The following PKHD1 variants were observed in gnomAD, a reference collection of about 807,000 sequenced individuals.
PKHD1 encodes fibrocystin.
Under a neutral mutation model 412.0 loss-of-function variants are expected in PKHD1, and 291 were observed. That is an observed-to-expected ratio of 0.71 (90% CI 0.64 to 0.78). The LOEUF is 0.78. Ranked by LOEUF, PKHD1 falls within the 30% of genes least tolerant of loss-of-function variation. PKHD1 has a pLI of 0.00. For missense variants in PKHD1, 4,825 were observed against 4,950.7 expected (o/e 0.97, Z 0.76); for synonymous variants, 1,777 against 1,821.5 (o/e 0.98, Z 0.62).
chr6:51,969,565 C>T (rs1161086749), intron 35 of PKHD1, among the ~76,000 whole-genome samples: 1 of 152,162 alleles, frequency 6.6e-6, no homozygotes. Context: ...CACCCTCCCA[C>T]CCTTCTAAGC....
chr6:51,885,886 TC>T lies in PKHD1; in HGVS notation c.7195del (p.Glu2399LysfsTer16). ...TTLFQSFTVW[E>X]SAGGAQIFRS... ...GCTTACCTGGGCACCACCTGCACTT[TC>T]CCAAACTGTGAAGCTCTGGAACAGA... is the stretch of plus-strand genomic sequence containing the variant. On this transcript the variant is annotated frameshift_variant, in exon 45 of 67. Transcript: ENST00000371117. LOFTEE classifies it high-confidence loss of function. The T allele has an allele frequency of 6.2e-7, 1 of 1,611,800 alleles. No homozygotes were observed. The highest frequency in any genetic ancestry group is 8.5e-7 in the Non-Finnish European group (1 of 1,178,190).
chr6:51,775,878 A>G lies in PKHD1; in HGVS notation c.8484T>C (p.Ile2828=). The change falls in exon 54 of 67, where the codon ATT becomes ATC. Residue 2828 remains isoleucine, a synonymous_variant. Coordinates refer to ENST00000371117, the MANE Select transcript of PKHD1 (RefSeq NM_138694.4). ...NPLEKEQKLL[I]LLRASEGVFC... ...AGACTCCCTCTGAGGCTCTAAGGAG[A>G]ATCAGAAGCTTTTGTTCCTTTTCTA... is the stretch of plus-strand genomic sequence containing the variant. 6.3e-7 allele frequency: 1 copy of G among 1,599,268 alleles called. No individual in the cohort carries two copies. The highest frequency in any genetic ancestry group is 8.6e-7 in the Non-Finnish European group (1 of 1,167,516).
At chr6:51,760,353 TC>T (rs1156922664) in intron 55 of PKHD1, among the ~76,000 whole-genome samples, 1 of 151,978 alleles carries the variant, frequency 6.6e-6, no homozygotes. Flanking sequence ...CAAAAATATA[TC>T]TCTCCCCTAT....
Position 51,946,727 on chromosome 6 carries a change from C to T in PKHD1, c.5909-12405G>A, listed in dbSNP as rs985590435. Among the ~76,000 whole-genome samples the T allele has an allele frequency of 1.8e-4, 28 of 152,160 alleles. 1 individual carries two copies. Among genetic ancestry groups the T allele is most frequent in the African/African-American group, 6.8e-4 (28 of 41,424 alleles). On this transcript the variant is annotated intron_variant, in intron 36 of 66. Transcript: ENST00000371117. ...AATTTTATAAAAATCAATCAACCAT[C>T]ATTATTGTTACTTCCCTCTAAAATA...
intron 35 of PKHD1, among the ~76,000 whole-genome samples, chr6:52,002,191 C>G (rs1382653641): frequency 8.3e-6 from 1 of 120,612 alleles, no homozygotes; most frequent in Non-Finnish European, 2.0e-5. Flanking sequence ...CATTGTTGAA[C>G]TTTTAGGTTT....
rs753123149 is a variant in PKHD1, at chr6:51,649,268, T to A, written c.11175-48A>T. ...AAATACATCCTTAGGATTACACATATCCCTATGGTAGCAATTTTCCACAAT... is the reference window on the plus strand; with the variant it reads ...AAATACATCCTTAGGATTACACATAACCCTATGGTAGCAATTTTCCACAAT... On this transcript the variant is annotated intron_variant, in intron 61 of 66. Coordinates refer to ENST00000371117, the MANE Select transcript of PKHD1 (RefSeq NM_138694.4). 6.3e-6 allele frequency: 9 copies of A among 1,426,830 alleles called. No homozygotes were observed. The African/African-American group carries it at 1.3e-4, about 20-fold the overall frequency. The allele number at this position is 1,426,830 out of a possible 1,614,324, so 88.4% of individuals were successfully genotyped here. A position where few individuals can be genotyped will look rare whatever the true frequency, so the allele number is the denominator to read the frequency against.
At chr6:51,767,879 A>G (rs866296126) in intron 55 of PKHD1, among the ~76,000 whole-genome samples, 6 of 152,196 alleles carry the variant, frequency 3.9e-5, no homozygotes, top group East Asian at 1.9e-4. Context: ...CTAGATCCCC[A>G]AGGAATCGCC....
intron 35 of PKHD1, among the ~76,000 whole-genome samples, chr6:52,007,210 A>C (rs933043766): frequency 1.8e-4 from 27 of 152,196 alleles, no homozygotes; most frequent in Non-Finnish European, 3.5e-4. Flanking sequence ...GATACCCAGT[A>C]ATGGGATTGC....
rs944608137 is a variant in PKHD1 at position 52,042,788 on chromosome 6, G to C, written c.3097+71C>G. On this transcript the variant is annotated intron_variant, in intron 27 of 66. Transcript: ENST00000371117. ...GAATATGGAATTCATTACACAGAAG[G>C]ACTAGATTCCTATCAGCAAGAACAC... The C allele has an allele frequency of 7.5e-6, 10 of 1,334,112 alleles. No individual in the cohort carries two copies. In the Admixed American group the frequency reaches 1.2e-4, roughly 16 times the overall value. The allele number at this position is 1,334,112 out of a possible 1,614,324, so 82.6% of individuals were successfully genotyped here. A position where few individuals can be genotyped will look rare whatever the true frequency, so the allele number is the denominator to read the frequency against.
intron 53 of PKHD1, among the ~76,000 whole-genome samples, chr6:51,786,051 ACT>A (rs1306638467): frequency 6.6e-6 from 1 of 152,140 alleles, no homozygotes; most frequent in African/African-American, 2.4e-5. Flanking sequence ...TTTTTTAAAA[ACT>A]CTATGAAATA....
chr6:51,637,205 A>G (rs1409266068), intron 64 of PKHD1, among the ~76,000 whole-genome samples: 1 of 152,208 alleles, frequency 6.6e-6, no homozygotes, highest in Non-Finnish European at 1.5e-5. Context: ...AGGCCTTTTA[A>G]ATGTCAGACA....
In PKHD1 at chr6:51,620,645, G is replaced by A. The variant is rs112524723; in HGVS notation, c.11786-1125C>T. Among the ~76,000 whole-genome samples, 825 of 151,904 alleles carry A rather than the reference G, an allele frequency of 5.4e-3. 7 individuals are homozygous for A. The highest frequency in any genetic ancestry group is 0.019 in the African/African-American group (780 of 41,448). ...TTTTTTCCTGAGTTCATTGAGAGCT[G>A]TCTTGGTTTGTGTTAGGAGATAGTA... On this transcript the variant is annotated intron_variant, in intron 66 of 66. Coordinates refer to ENST00000371117, the MANE Select transcript of PKHD1 (RefSeq NM_138694.4).
At chr6:51,757,390 T>A (rs1450330604) in intron 55 of PKHD1, among the ~76,000 whole-genome samples, 2 of 152,114 alleles carry the variant, frequency 1.3e-5, no homozygotes, top group African/African-American at 4.8e-5. Flanking sequence ...CTAATGCAAA[T>A]TTAAAACTCA....
Position 51,616,530 on chromosome 6 carries a change from T to TTC in PKHD1, c.*2550_*2551insGA. On this transcript the variant is annotated 3_prime_UTR_variant, in exon 67 of 67. Transcript: ENST00000371117. ...TTGGTGTTTCCCTAATTCTCTCATT[T>TTC]TTTTTTTTTTTTAGGAGAAAGAGGA... 1 of 362,116 alleles carries TTC rather than the reference T, an allele frequency of 2.8e-6. No homozygotes were observed. The allele number at this position is 362,116 out of a possible 1,614,324, so 22.4% of individuals were successfully genotyped here.
In PKHD1 at chr6:52,048,514, C is replaced by T; in HGVS notation, c.2385G>A (p.Gln795=). The T allele has an allele frequency of 6.2e-7, 1 of 1,614,110 alleles. No homozygotes were observed. Among genetic ancestry groups the T allele is most frequent in the Non-Finnish European group, 8.5e-7 (1 of 1,179,982 alleles). The change falls in exon 23 of 67, where the codon CAG becomes CAA. Residue 795 remains glutamine, a synonymous_variant. Coordinates refer to ENST00000371117, the MANE Select transcript of PKHD1 (RefSeq NM_138694.4). ...TACCAGAAATCACTGTATTAGGAAG[C>T]TGGATGCGAAAGTGTCCTCCTAGAG... ...SPPLGGHFRI[Q]LPNTVISDVP...
At chr6:51,920,993 T>C (rs1015116468) in intron 37 of PKHD1, among the ~76,000 whole-genome samples, 3 of 152,178 alleles carry the variant, frequency 2.0e-5, no homozygotes, top group African/African-American at 7.2e-5. Context: ...TTTTATTGTG[T>C]CTATTTGATT....
chr6:51,941,544 C>A (rs187940750), intron 36 of PKHD1, among the ~76,000 whole-genome samples: 2 of 151,322 alleles, frequency 1.3e-5, no homozygotes, highest in African/African-American at 4.8e-5. Flanking sequence ...CGTGAGCCAC[C>A]GCACCCAGCC....
chr6:51,810,045 C>G (rs1038866552), intron 52 of PKHD1, among the ~76,000 whole-genome samples: 1 of 151,982 alleles, frequency 6.6e-6, no homozygotes. Flanking sequence ...ATTAACCTTT[C>G]ACACTTAATT....
At chr6:51,958,976 A>G (rs1791585833) in intron 36 of PKHD1, among the ~76,000 whole-genome samples, 1 of 152,152 alleles carries the variant, frequency 6.6e-6, no homozygotes, top group Admixed American at 6.5e-5. Flanking sequence ...AGAATAGAGA[A>G]TGACAAAATG....
Sources: allele counts gnomAD v4.1 joint callset (sites outside exome capture counted in the v4.1 genomes callset), GRCh38; gene constraint gnomAD v4.1.1; transcripts MANE v1.5; gene names NCBI Gene and HGNC (gene_info 2026-07-23, HGNC 2026-07-21).